AGAP1: variants seen among roughly 807,000 people sequenced by gnomAD.
AGAP1 encodes ArfGAP with GTPase domain, ankyrin repeat and PH domain 1.
Under a neutral mutation model 105.3 loss-of-function variants are expected in AGAP1, and 29 were observed. That is an observed-to-expected ratio of 0.28 (90% CI 0.21 to 0.38). The LOEUF (loss-of-function observed/expected upper bound fraction) is 0.38, where lower values mean the gene tolerates loss of function less well. Among genes scored for constraint, AGAP1 ranks in the 10% least tolerant of loss-of-function variants. The pLI is 1.00. For synonymous variants in AGAP1, 509 were observed against 485.9 expected, an observed-to-expected ratio of 1.05 and a Z score of -0.63; for missense variants, 998 against 1,165.1, an observed-to-expected ratio of 0.86 and a Z score of 2.09.
At chr2:235,676,866 A>G (rs187913402) in intron 1 of AGAP1, among the ~76,000 whole-genome samples, 22 of 152,364 alleles carry the variant, frequency 1.4e-4, no homozygotes, top group African/African-American at 4.8e-4. Flanking sequence ...GATAAAGTGC[A>G]TACAGCTGCA....
chr2:236,072,879 A>C (rs2058540076), intron 16 of AGAP1, among the ~76,000 whole-genome samples: 1 of 152,244 alleles, frequency 6.6e-6, no homozygotes, highest in Admixed American at 6.5e-5. Flanking sequence ...TAGTAGCTGC[A>C]TGTTAAAAAG....
Position 235,720,821 on chromosome 2 carries a change from G to A in AGAP1, c.310+3177G>A, listed in dbSNP as rs1951345421. The A allele has an allele frequency of 8.3e-6, 5 of 605,404 alleles. No individual in the cohort carries two copies. The South Asian group carries it at 2.9e-4, about 35-fold the overall frequency. 37.5% of individuals were successfully genotyped at this position (605,404 alleles called of 1,614,324 possible). Reference sequence around the variant, plus strand: ...GTCTTCAGGGGAGAGCTCTCTCGTGGTAGAAACATTTCTGGTGCAGAGCCG... The same window carrying A: ...GTCTTCAGGGGAGAGCTCTCTCGTGATAGAAACATTTCTGGTGCAGAGCCG... On this transcript the variant is annotated intron_variant, in intron 3 of 17. Coordinates refer to ENST00000304032, the MANE Select transcript of AGAP1 (RefSeq NM_001037131.3). This position sits in a 1 kb window ranked among gnomAD's most constrained non-coding sequence, Gnocchi z 5.0.
chr2:235,706,372 C>T (rs1950534945), intron 1 of AGAP1, among the ~76,000 whole-genome samples: 1 of 151,606 alleles, frequency 6.6e-6, no homozygotes. Context: ...CTACAGGCGC[C>T]CGCCACCACG....
chr2:235,920,553 G>A (rs1359573202), intron 11 of AGAP1, among the ~76,000 whole-genome samples: 6 of 152,168 alleles, frequency 3.9e-5, no homozygotes, highest in Admixed American at 2.0e-4. Flanking sequence ...GGGGGGTGCC[G>A]TGGAGTTCTC....
intron 6 of AGAP1, among the ~76,000 whole-genome samples, chr2:235,764,333 G>C (rs1954732880): frequency 6.6e-6 from 1 of 152,158 alleles, no homozygotes; most frequent in African/African-American, 2.4e-5. Context: ...TCAGGGAAGA[G>C]CTGTGGCCCA....
intron 9 of AGAP1, among the ~76,000 whole-genome samples, chr2:235,847,547 C>T (rs1035648912): frequency 4.6e-5 from 7 of 152,162 alleles, no homozygotes; most frequent in South Asian, 4.1e-4. Context: ...TCAAGTTTAT[C>T]GTAAAACTGT....
intron 16 of AGAP1, among the ~76,000 whole-genome samples, chr2:236,069,882 G>T (rs2058452416): frequency 6.6e-6 from 1 of 152,172 alleles, no homozygotes; most frequent in Non-Finnish European, 1.5e-5. Flanking sequence ...CTAATTTTCT[G>T]CCATTTTAAA....
chr2:235,743,441 C>T (rs921836513), intron 4 of AGAP1, among the ~76,000 whole-genome samples: 2 of 151,928 alleles, frequency 1.3e-5, no homozygotes, highest in African/African-American at 4.8e-5. Flanking sequence ...ACAGGAAGAG[C>T]CTTTCTCAAG....
chr2:235,545,410 G>C (rs932667056), intron 1 of AGAP1, among the ~76,000 whole-genome samples: 1 of 152,218 alleles, frequency 6.6e-6, no homozygotes, highest in Non-Finnish European at 1.5e-5. Context: ...CAGGGCTGGC[G>C]TGTGAGCCCT....
At chr2:235,564,545 G>GGCCT (rs551780805) in intron 1 of AGAP1, among the ~76,000 whole-genome samples, 204 of 152,320 alleles carry the variant, frequency 1.3e-3, no homozygotes, top group African/African-American at 4.7e-3. Context: ...TGTAGTTGAG[G>GGCCT]GCCTGCCTGC....
At chr2:235,502,413 C>T (rs1306581759) in intron 1 of AGAP1, among the ~76,000 whole-genome samples, 1 of 152,138 alleles carries the variant, frequency 6.6e-6, no homozygotes, top group Non-Finnish European at 1.5e-5. Context: ...GAGGGGGCTG[C>T]CACTGCTTGC....
intron 12 of AGAP1, among the ~76,000 whole-genome samples, chr2:235,966,400 A>G (rs2054400355): frequency 6.6e-6 from 1 of 151,932 alleles, no homozygotes; most frequent in African/African-American, 2.4e-5. Flanking sequence ...GTGATGGTGG[A>G]GTCACAACAG....
intron 9 of AGAP1, among the ~76,000 whole-genome samples, chr2:235,851,840 C>T (rs756468835): frequency 2.0e-5 from 3 of 152,190 alleles, no homozygotes; most frequent in Non-Finnish European, 4.4e-5. Context: ...ACACCTCGCA[C>T]GTCTCATCTG....
chr2:235,507,753 A>C (rs1164219741), intron 1 of AGAP1, among the ~76,000 whole-genome samples: 1 of 152,176 alleles, frequency 6.6e-6, no homozygotes, highest in African/African-American at 2.4e-5. Flanking sequence ...TGGCAGAGTC[A>C]GGATTCGAAC....
chr2:235,794,368 C>T (rs1389965663), intron 6 of AGAP1, among the ~76,000 whole-genome samples: 2 of 152,068 alleles, frequency 1.3e-5, no homozygotes, highest in Admixed American at 6.6e-5. Context: ...CCGTTGACAC[C>T]GTTTTAGATT....
chr2:235,733,093 T>C lies in AGAP1; in HGVS notation c.311-7870T>C, dbSNP rs1162067335. On this transcript the variant is annotated intron_variant, in intron 3 of 17. Coordinates refer to ENST00000304032, the MANE Select transcript of AGAP1 (RefSeq NM_001037131.3). This position sits in a 1 kb window ranked among gnomAD's most constrained non-coding sequence, Gnocchi z 5.0. ...CCTTCTTTAGGGACCAGGGCTCTGC[T>C]CTTCCTGGGAATTTACCACATCCTC... is the stretch of plus-strand genomic sequence containing the variant. Among the ~76,000 whole-genome samples the C allele has an allele frequency of 2.0e-5, 3 of 152,208 alleles. No homozygotes were observed. The highest frequency in any genetic ancestry group is 4.4e-5 in the Non-Finnish European group (3 of 68,040).
At chr2:235,670,257 C>G in intron 1 of AGAP1, 1 of 510,598 alleles carries the variant, frequency 2.0e-6, no homozygotes, top group Non-Finnish European at 3.5e-6. Flanking sequence ...GACCCACGCC[C>G]GGTTCGGCGG....
chr2:235,826,934 T>C (rs934278917), intron 9 of AGAP1, among the ~76,000 whole-genome samples: 1 of 152,128 alleles, frequency 6.6e-6, no homozygotes, highest in Non-Finnish European at 1.5e-5. Context: ...TCACTAACTT[T>C]GATTAAGTTA....
chr2:235,690,101 C>G lies in AGAP1; in HGVS notation c.164-19078C>G, dbSNP rs1949667911. On this transcript the variant is annotated intron_variant, in intron 1 of 17. Coordinates refer to ENST00000304032, the MANE Select transcript of AGAP1 (RefSeq NM_001037131.3). This position sits in a 1 kb window ranked among gnomAD's most constrained non-coding sequence, Gnocchi z 4.1. ...GGTTTTCATGCAGTATTGACACTCT[C>G]TTCTCCCCAGGTGCTGAGTCCCCAG... 6.6e-6 allele frequency among the ~76,000 whole-genome samples: 1 copy of G among 152,078 alleles called. No individual in the cohort carries two copies. The highest frequency in any genetic ancestry group is 1.5e-5 in the Non-Finnish European group (1 of 67,998).
Sources: allele counts gnomAD v4.1 joint callset (sites outside exome capture counted in the v4.1 genomes callset), GRCh38; gene constraint gnomAD v4.1.1; non-coding constraint Gnocchi (gnomAD v3.1); transcripts MANE v1.5; gene names NCBI Gene and HGNC (gene_info 2026-07-23, HGNC 2026-07-21).